The following DNAJB13 variants were observed in gnomAD, a reference collection of about 807,000 sequenced individuals.
DNAJB13 encodes the protein dnaJ homolog subfamily B member 13.
Under a neutral mutation model 35.6 loss-of-function variants are expected in DNAJB13, and 22 were observed. The ratio of observed to expected loss-of-function variants is 0.62; its 90% CI spans 0.44 to 0.88. The LOEUF is 0.88. DNAJB13 is among the 40% of genes least tolerant of loss of function. The pLI, the probability that DNAJB13 is intolerant of heterozygous loss-of-function variation, is 0.00. For synonymous variants in DNAJB13, 136 were observed against 144.2 expected (o/e 0.94, Z 0.41); for missense variants, 370 against 384.3 (o/e 0.96, Z 0.31).
intron 5 of DNAJB13, among the ~76,000 whole-genome samples, chr11:73,967,069 T>C (rs1313683935): frequency 1.3e-5 from 2 of 152,120 alleles, no homozygotes; most frequent in Non-Finnish European, 2.9e-5. Flanking sequence ...GCCAGGCTGG[T>C]CTTGAACTCC....
intron 3 of DNAJB13, 32 bp downstream of exon 3, chr11:73,959,687 T>C (rs764475279): frequency 1.2e-6 from 2 of 1,602,682 alleles, no homozygotes; most frequent in Non-Finnish European, 1.7e-6. Context: ...CCTTGCCTTA[T>C]AGAGAAAGGA....
At chr11:73,954,000 AAATAAT>A (rs71467812) in intron 1 of DNAJB13, among the ~76,000 whole-genome samples, 8,657 of 136,320 alleles carry the variant, frequency 0.064, 460 homozygotes, top group African/African-American at 0.15. Flanking sequence ...AATAATAATA[AAATAAT>A]AATAATAATA....
chr11:73,969,219 C>G, intron 6 of DNAJB13, 27 bp from the exon 7 acceptor site: 1 of 824,070 alleles, frequency 1.2e-6, no homozygotes, highest in Non-Finnish European at 2.1e-6. Context: ...CCTCCTCAGC[C>G]CCACCTTTGG....
chr11:73,956,985 C>T (rs1178560904), intron 1 of DNAJB13, among the ~76,000 whole-genome samples: 1 of 152,036 alleles, frequency 6.6e-6, no homozygotes, highest in African/African-American at 2.4e-5. Flanking sequence ...AGCTGTGGAA[C>T]TCTGGGGATG....
chr11:73,956,720 T>C (rs1554989897), intron 1 of DNAJB13, among the ~76,000 whole-genome samples: 1 of 151,244 alleles, frequency 6.6e-6, no homozygotes, highest in Non-Finnish European at 1.5e-5. Context: ...GGAGAATCGC[T>C]TGAACCCAGG....
intron 1 of DNAJB13, among the ~76,000 whole-genome samples, chr11:73,954,183 A>G (rs1950667499): frequency 6.6e-6 from 1 of 151,124 alleles, no homozygotes; most frequent in Non-Finnish European, 1.5e-5. Context: ...AAAATTAGCC[A>G]GGTGTAGTGG....
At chr11:73,963,687 G>T (rs1161224779) in intron 3 of DNAJB13, 1 of 152,238 alleles carries the variant, frequency 6.6e-6, no homozygotes, top group Non-Finnish European at 1.5e-5. Flanking sequence ...AGGACCAGAA[G>T]ATTCAGGCCT....
chr11:73,958,228 A>C, intron 1 of DNAJB13, 89 bp from the exon 2 acceptor site: 1 of 1,307,448 alleles, frequency 7.6e-7, no homozygotes, highest in Non-Finnish European at 1.1e-6. Context: ...ATAGCTAGGC[A>C]GGAGTGAACA....
At chr11:73,954,643 A>AAAAAAAAT (rs1554989418) in intron 1 of DNAJB13, among the ~76,000 whole-genome samples, 9 of 132,168 alleles carry the variant, frequency 6.8e-5, no homozygotes, top group South Asian at 2.4e-4. Context: ...AAAAAAAAAT[A>AAAAAAAAT]AAATAAATAA....
intron 1 of DNAJB13, among the ~76,000 whole-genome samples, chr11:73,953,375 A>T (rs1950634865): frequency 6.6e-6 from 1 of 152,172 alleles, no homozygotes; most frequent in Non-Finnish European, 1.5e-5. Flanking sequence ...CGAGTTGTAG[A>T]AGGAAGAGCT....
At chr11:73,956,977 C>T (rs1194988054) in intron 1 of DNAJB13, among the ~76,000 whole-genome samples, 1 of 152,036 alleles carries the variant, frequency 6.6e-6, no homozygotes, top group African/African-American at 2.4e-5. Flanking sequence ...AGAAGAGAAG[C>T]TGTGGAACTC....
rs112955311 is a variant in DNAJB13 at position 73,955,416 on chromosome 11, C to A, written c.69-2901C>A. On this transcript the variant is annotated intron_variant, in intron 1 of 7. Coordinates refer to ENST00000339764, the MANE Select transcript of DNAJB13 (RefSeq NM_153614.4). Reference sequence around the variant, plus strand: ...CTCCACCTTCTAGGTTCAAGTGATTCTTCTGCCTCAGCCCCCTGAGTAGCT... The same window carrying A: ...CTCCACCTTCTAGGTTCAAGTGATTATTCTGCCTCAGCCCCCTGAGTAGCT... 3.0e-3 allele frequency among the ~76,000 whole-genome samples: 445 copies of A among 149,664 alleles called. 2 individuals are homozygous for A. The highest frequency in any genetic ancestry group is 9.6e-3 in the African/African-American group (390 of 40,736).
chr11:73,969,887 G>T (rs762937094), intron 7 of DNAJB13, 74 bp from the exon 8 acceptor site: 3 of 1,525,964 alleles, frequency 2.0e-6, no homozygotes, highest in Non-Finnish European at 2.7e-6. Flanking sequence ...TGTGAGTAGG[G>T]GTTATATGAC....
intron 3 of DNAJB13, 66 bp from the exon 4 acceptor site, chr11:73,964,812 T>TGTGTGTGTGTGTGCGCGCGC (rs1491290663): frequency 3.0e-6 from 2 of 656,216 alleles, no homozygotes; most frequent in African/African-American, 4.5e-5. Context: ...TGTGTGTGTG[T>TGTGTGTGTGTGTGCGCGCGC]GCGCGCGCGC....
intron 4 of DNAJB13, 154 bp downstream of exon 4, chr11:73,965,189 C>G: frequency 1.1e-6 from 1 of 896,024 alleles, no homozygotes; most frequent in Non-Finnish European, 1.6e-6. Context: ...ATTCCGGAAT[C>G]TGAAATTCGG....
At position 73,966,219 on chromosome 11, in the gene DNAJB13, A is replaced by T. The variant is rs1951111103; in HGVS notation, c.574A>T (p.Thr192Ser). The T allele has an allele frequency of 1.2e-6, 2 of 1,613,714 alleles. No homozygotes were observed. Among genetic ancestry groups the T allele is most frequent in the Admixed American group, 3.3e-5 (2 of 59,954 alleles). The change falls in exon 5 of 8, where the codon ACA becomes TCA. Residue 192 changes from threonine to serine, a missense_variant. Transcript: ENST00000339764. Reference sequence around the variant, plus strand: ...TGTGAAGCCCGGTTGGAGGCAGGGCACACGCATCACCTTTGAGAAGGAAGG... The same window carrying T: ...TGTGAAGCCCGGTTGGAGGCAGGGCTCACGCATCACCTTTGAGAAGGAAGG... ...IDVKPGWRQG[T>S]RITFEKEGDQ... is the part of the protein sequence containing the mutation.
chr11:73,954,643 A>AAAATAAATAAAT, intron 1 of DNAJB13, among the ~76,000 whole-genome samples: 1 of 132,250 alleles, frequency 7.6e-6, no homozygotes, highest in South Asian at 2.4e-4. Context: ...AAAAAAAAAT[A>AAAATAAATAAAT]AAATAAATAA....
At position 73,964,806 on chromosome 11, in the gene DNAJB13, T is replaced by TGC. The variant is rs778523226; in HGVS notation, c.335-71_335-70insCG. On this transcript the variant is annotated intron_variant, in intron 3 of 7. Coordinates refer to ENST00000339764, the MANE Select transcript of DNAJB13 (RefSeq NM_153614.4). ...GTGTGTGTGTGTGTGTGTGTGTGTGTGTGTGTGCGCGCGCGCGCATGTCTG... is the reference window on the plus strand; with the variant it reads ...GTGTGTGTGTGTGTGTGTGTGTGTGTGCGTGTGTGCGCGCGCGCGCATGTCTG... 5.1e-4 allele frequency: 371 copies of TGC among 729,784 alleles called. 6 individuals are homozygous for TGC. In the African/African-American group the frequency reaches 5.3e-3, roughly 10 times the overall value. The allele number at this position is 729,784 out of a possible 1,614,324, so 45.2% of individuals were successfully genotyped here.
At chr11:73,962,528 T>C (rs1458224801) in intron 3 of DNAJB13, among the ~76,000 whole-genome samples, 1 of 146,506 alleles carries the variant, frequency 6.8e-6, no homozygotes, top group Non-Finnish European at 1.5e-5. Context: ...TGATTCCAGG[T>C]CTGAGACAAA....
Sources: allele counts gnomAD v4.1 joint callset (sites outside exome capture counted in the v4.1 genomes callset), GRCh38; gene constraint gnomAD v4.1.1; transcripts MANE v1.5; gene names NCBI Gene and HGNC (gene_info 2026-07-23, HGNC 2026-07-21).